PJA2: variants seen among roughly 807,000 people sequenced by gnomAD.
PJA2 encodes E3 ubiquitin-protein ligase Praja-2.
PJA2 carries 25 observed loss-of-function variants against 69.3 expected under a neutral mutation model. The ratio of observed to expected loss-of-function variants is 0.36; its 90% confidence interval spans 0.26 to 0.50. PJA2 has a LOEUF of 0.50. Among genes scored for constraint, PJA2 ranks in the 20% least tolerant of loss-of-function variants. The pLI is 0.96. For synonymous variants in PJA2, 308 were observed against 277.8 expected (o/e 1.11, Z -1.08); for missense variants, 809 against 830.2 (o/e 0.97, Z 0.31).
At chr5:109,380,083 GTTCT>G (rs1561357716) in intron 3 of PJA2, among the ~76,000 whole-genome samples, 5 of 140,050 alleles carry the variant, frequency 3.6e-5, no homozygotes, top group East Asian at 4.0e-4. Context: ...GGTACGAAGG[GTTCT>G]TTTTTTTTTT....
intron 1 of PJA2, among the ~76,000 whole-genome samples, chr5:109,386,769 A>G (rs904320608): frequency 4.6e-5 from 7 of 152,142 alleles, no homozygotes; most frequent in African/African-American, 1.7e-4. Context: ...AGTACAGTTC[A>G]AGACAAAATC....
At chr5:109,342,577 G>A (rs1255928131) in intron 9 of PJA2, among the ~76,000 whole-genome samples, 2 of 91,458 alleles carry the variant, frequency 2.2e-5, no homozygotes, top group East Asian at 3.8e-4. Flanking sequence ...GGTGAGGGGC[G>A]CCTCTGCCCG....
At chr5:109,387,588 T>C (rs1233435180) in intron 1 of PJA2, among the ~76,000 whole-genome samples, 1 of 152,196 alleles carries the variant, frequency 6.6e-6, no homozygotes, top group Non-Finnish European at 1.5e-5. Flanking sequence ...TACATACTTC[T>C]TACTAATACT....
chr5:109,351,200 G>T (rs908907750), intron 7 of PJA2, among the ~76,000 whole-genome samples: 1 of 151,312 alleles, frequency 6.6e-6, no homozygotes, highest in African/African-American at 2.4e-5. Flanking sequence ...AAAGAATTCA[G>T]TGACAATGCC....
chr5:109,378,053 G>T, intron 4 of PJA2, 151 bp downstream of exon 4: 1 of 595,460 alleles, frequency 1.7e-6, no homozygotes, highest in Non-Finnish European at 2.8e-6. Flanking sequence ...TAGTTTGCAT[G>T]TATGGTTAGC....
intron 7 of PJA2, among the ~76,000 whole-genome samples, chr5:109,354,691 G>T (rs1348676011): frequency 6.9e-6 from 1 of 145,850 alleles, no homozygotes; most frequent in African/African-American, 2.5e-5. Context: ...ATCATTTAAA[G>T]ACAAATTTAT....
At chr5:109,398,945 C>T (rs1440715162) in intron 1 of PJA2, among the ~76,000 whole-genome samples, 1 of 152,072 alleles carries the variant, frequency 6.6e-6, no homozygotes, top group Non-Finnish European at 1.5e-5. Flanking sequence ...GGGTGCAGGG[C>T]TCAGGCTTGT....
intron 6 of PJA2, 145 bp downstream of exon 6, chr5:109,362,695 A>T: frequency 3.9e-6 from 3 of 765,670 alleles, no homozygotes; most frequent in Non-Finnish European, 5.8e-6. Flanking sequence ...GTAGGAAGGA[A>T]CATTTGAAAT....
intron 5 of PJA2, among the ~76,000 whole-genome samples, chr5:109,367,087 G>A (rs921946455): frequency 1.3e-5 from 2 of 148,616 alleles, no homozygotes; most frequent in African/African-American, 2.5e-5. Context: ...AGCCGAGATC[G>A]TACCACTGCA....
chr5:109,365,296 A>C (rs1762566849), intron 5 of PJA2, among the ~76,000 whole-genome samples: 1 of 152,224 alleles, frequency 6.6e-6, no homozygotes, highest in Non-Finnish European at 1.5e-5. Flanking sequence ...ACTTTAAGCA[A>C]AACAAGGTAG....
chr5:109,344,429 C>A, intron 8 of PJA2, 118 bp from the exon 9 acceptor site: 1 of 1,098,410 alleles, frequency 9.1e-7, no homozygotes, highest in South Asian at 2.0e-5. Flanking sequence ...AGTCTTTGAC[C>A]AGTTAATTGG....
chr5:109,399,576 A>G (rs994833558), intron 1 of PJA2, among the ~76,000 whole-genome samples: 9 of 152,202 alleles, frequency 5.9e-5, no homozygotes, highest in Admixed American at 2.6e-4. Flanking sequence ...ACCCATCTCA[A>G]TCACGAATTA....
At chr5:109,406,660 T>A (rs1299613675) in intron 1 of PJA2, among the ~76,000 whole-genome samples, 1 of 152,174 alleles carries the variant, frequency 6.6e-6, no homozygotes, top group Non-Finnish European at 1.5e-5. Context: ...ACAAGTTCCA[T>A]GTCTAGGTAT....
At chr5:109,373,114 A>C (rs1485131456) in intron 4 of PJA2, among the ~76,000 whole-genome samples, 1 of 151,964 alleles carries the variant, frequency 6.6e-6, no homozygotes, top group Non-Finnish European at 1.5e-5. Flanking sequence ...TACAGAAATA[A>C]TATTAGGAAT....
At chr5:109,347,927 C>A (rs907377931) in intron 7 of PJA2, among the ~76,000 whole-genome samples, 27 of 152,290 alleles carry the variant, frequency 1.8e-4, no homozygotes, top group Non-Finnish European at 3.4e-4. Flanking sequence ...TGAACTCAGA[C>A]TGGTACAGAA....
chr5:109,392,412 T>C (rs948360947), intron 1 of PJA2, among the ~76,000 whole-genome samples: 1 of 151,504 alleles, frequency 6.6e-6, no homozygotes, highest in East Asian at 1.9e-4. Flanking sequence ...AATACAAAAA[T>C]TTGCCGCGCA....
intron 1 of PJA2, among the ~76,000 whole-genome samples, chr5:109,405,066 T>G (rs1261376368): frequency 6.6e-6 from 1 of 152,156 alleles, no homozygotes; most frequent in East Asian, 1.9e-4. Flanking sequence ...TACAAAAAAT[T>G]TACTCAAATG....
intron 4 of PJA2, among the ~76,000 whole-genome samples, chr5:109,377,969 A>C (rs548238990): frequency 1.2e-4 from 18 of 152,352 alleles, no homozygotes; most frequent in Middle Eastern, 3.4e-3. Context: ...TTATAATAAT[A>C]ATCATTATCT....
In PJA2 at chr5:109,378,735, T is replaced by G. The variant is rs780072394; in HGVS notation, c.752A>C (p.Gln251Pro). ...SSAGDTEFVH[Q>P]NSQEIQRSSQ... ...AGACCTCTGAATTTCCTGGCTATTCTGATGGACAAACTCAGTATCACCAGC... is the reference window on the plus strand; with the variant it reads ...AGACCTCTGAATTTCCTGGCTATTCGGATGGACAAACTCAGTATCACCAGC... The change falls in exon 4 of 10, where the codon CAG (glutamine) becomes CCG (proline). Residue 251 changes from glutamine (Q) to proline (P), a missense_variant. By Grantham distance (76) the Gln-to-Pro change is moderately conservative (BLOSUM62 -1). This residue lies in a region of PJA2 where 700 missense variants were observed against 639.5 expected (regional missense o/e 1.09). Transcript: ENST00000361189. 24 of 1,612,780 alleles carry G rather than the reference T, an allele frequency of 1.5e-5. No individual in the cohort carries two copies. In the South Asian group the frequency reaches 2.6e-4, roughly 18 times the overall value.
Sources: allele counts gnomAD v4.1 joint callset (sites outside exome capture counted in the v4.1 genomes callset), GRCh38; gene constraint gnomAD v4.1.1; regional missense constraint gnomAD v4.1.1; transcripts MANE v1.5; gene names NCBI Gene and HGNC (gene_info 2026-07-23, HGNC 2026-07-21).